Variants in GREM2 observed in about 807,000 individuals in gnomAD.
The protein encoded by GREM2 is gremlin 2, DAN family BMP antagonist.
GREM2 carries 11 observed loss-of-function variants against 14.2 expected under a neutral mutation model. The observed-to-expected ratio is 0.78, with a 90% CI of 0.49 to 1.28. The LOEUF (loss-of-function observed/expected upper bound fraction) is 1.28, where lower values mean the gene tolerates loss of function less well. Among genes scored for constraint, GREM2 ranks in the 50% most tolerant of loss-of-function variants. GREM2 has a pLI of 0.00. For missense variants in GREM2, 210 were observed against 218.5 expected, an observed-to-expected ratio of 0.96 and a Z score of 0.24; for synonymous variants, 98 against 97.6, an observed-to-expected ratio of 1.00 and a Z score of -0.02.
chr1:240,543,882 T>C lies in GREM2; in HGVS notation c.-1-50406A>G, dbSNP rs1000900902. On this transcript the variant is annotated intron_variant, in intron 1 of 1. Coordinates refer to ENST00000318160, the MANE Select transcript of GREM2 (RefSeq NM_022469.4). This position sits in a 1 kb window ranked among gnomAD's most constrained non-coding sequence, Gnocchi z 6.4. The stretch of plus-strand genomic sequence containing the variant: ...TATAATTTTAAAAGTATATTATTTG[T>C]TTTTCAATGGGAACAAGCACAGAAC... Among the ~76,000 whole-genome samples the C allele has an allele frequency of 6.6e-5, 10 of 152,268 alleles. No individual in the cohort carries two copies. The highest frequency in any genetic ancestry group is 2.2e-4 in the African/African-American group (9 of 41,552).
chr1:240,599,211 T>C (rs1010777845), intron 1 of GREM2, among the ~76,000 whole-genome samples: 1 of 149,050 alleles, frequency 6.7e-6, no homozygotes, highest in Non-Finnish European at 1.5e-5. Context: ...GAGGTTCCAG[T>C]GAGCCAAGAT....
Position 240,492,515 on chromosome 1 carries a change from G to GCA in GREM2, c.*452_*453dup, listed in dbSNP as rs1490296593. ...CTCCCAGCCAGAGGTCCAGGGACCAGCAGGAGAGGTCTGAGGGGCCGCTCA... is the reference window on the plus strand; with the variant it reads ...CTCCCAGCCAGAGGTCCAGGGACCAGCACAGGAGAGGTCTGAGGGGCCGCTCA... On this transcript the variant is annotated 3_prime_UTR_variant, in exon 2 of 2. Transcript: ENST00000318160. 5 of 182,116 alleles carry GCA rather than the reference G, an allele frequency of 2.7e-5. No homozygotes were observed. Among genetic ancestry groups the GCA allele is most frequent in the African/African-American group, 1.2e-4 (5 of 43,284 alleles). The allele number at this position is 182,116 out of a possible 1,614,324, so 11.3% of individuals were successfully genotyped here.
chr1:240,589,168 G>T (rs1679656458), intron 1 of GREM2: 1 of 152,336 alleles, frequency 6.6e-6, no homozygotes, highest in Non-Finnish European at 1.5e-5. Context: ...GAGCATGGTG[G>T]CTCACGCCTG....
chr1:240,530,030 C>G lies in GREM2; in HGVS notation c.-1-36554G>C, dbSNP rs76153128. Among the ~76,000 whole-genome samples, 1,248 of 152,216 alleles carry G rather than the reference C, an allele frequency of 8.2e-3. 17 individuals carry two copies. Among genetic ancestry groups the G allele is most frequent in the African/African-American group, 0.027 (1,141 of 41,522 alleles). ...AGTCAGAAGACTAGGGTTCTAGTCT[C>G]AGATACTCATTGACCATTTGACAAC... On this transcript the variant is annotated intron_variant, in intron 1 of 1. Transcript: ENST00000318160.
chr1:240,538,829 C>T (rs1048434898), intron 1 of GREM2, among the ~76,000 whole-genome samples: 2 of 152,164 alleles, frequency 1.3e-5, no homozygotes, highest in Non-Finnish European at 1.5e-5. Context: ...TGAAATACTA[C>T]GTGTGGGTGT....
At chr1:240,549,013 G>A (rs1678791937) in intron 1 of GREM2, among the ~76,000 whole-genome samples, 1 of 152,108 alleles carries the variant, frequency 6.6e-6, no homozygotes, top group Admixed American at 6.5e-5. Flanking sequence ...TCCAGTCAAG[G>A]AAGCACCCAA....
At chr1:240,514,412 G>T (rs1465350994) in intron 1 of GREM2, among the ~76,000 whole-genome samples, 1 of 152,118 alleles carries the variant, frequency 6.6e-6, no homozygotes, top group Non-Finnish European at 1.5e-5. Context: ...AGTTTGAGAT[G>T]TCTATTAGAT....
At chr1:240,589,649 A>G (rs1297102613) in intron 1 of GREM2, among the ~76,000 whole-genome samples, 1 of 152,002 alleles carries the variant, frequency 6.6e-6, no homozygotes. Flanking sequence ...ATTGTTCATG[A>G]TCCCGTAGGA....
At chr1:240,569,839 A>T (rs1004550987) in intron 1 of GREM2, among the ~76,000 whole-genome samples, 2 of 152,264 alleles carry the variant, frequency 1.3e-5, no homozygotes, top group Non-Finnish European at 2.9e-5. Flanking sequence ...AAATTGATAA[A>T]TTAGACTTCA....
intron 1 of GREM2, among the ~76,000 whole-genome samples, chr1:240,609,737 C>T (rs1680097137): frequency 6.6e-6 from 1 of 152,206 alleles, no homozygotes; most frequent in South Asian, 2.1e-4. Flanking sequence ...TGTGCCTCTG[C>T]AGTCTCTCAG....
intron 1 of GREM2, among the ~76,000 whole-genome samples, chr1:240,590,224 T>A (rs74487757): frequency 0.096 from 14,591 of 152,230 alleles, 927 homozygotes; most frequent in Non-Finnish European, 0.14. Context: ...TAATGTAGAA[T>A]AACATTCACA....
At chr1:240,551,194 G>A (rs1678842452) in intron 1 of GREM2, among the ~76,000 whole-genome samples, 1 of 152,144 alleles carries the variant, frequency 6.6e-6, no homozygotes, top group African/African-American at 2.4e-5. Flanking sequence ...CTCCATGAGG[G>A]TTCAAAGTAA....
At chr1:240,531,484 C>T (rs1678355640) in intron 1 of GREM2, among the ~76,000 whole-genome samples, 1 of 152,182 alleles carries the variant, frequency 6.6e-6, no homozygotes, top group Non-Finnish European at 1.5e-5. Flanking sequence ...CAATTTTAAT[C>T]AGATTTGTAT....
intron 1 of GREM2, among the ~76,000 whole-genome samples, chr1:240,607,820 G>A (rs747739862): frequency 5.9e-5 from 9 of 152,156 alleles, no homozygotes; most frequent in Non-Finnish European, 1.2e-4. Context: ...ATTTAATGAT[G>A]GGCTAGTGCT....
chr1:240,604,661 T>C (rs985543372), intron 1 of GREM2, among the ~76,000 whole-genome samples: 6 of 152,162 alleles, frequency 3.9e-5, no homozygotes, highest in African/African-American at 1.4e-4. Flanking sequence ...TCAATTCTTA[T>C]AGAACACCAA....
chr1:240,518,642 T>G (rs1678006587), intron 1 of GREM2, among the ~76,000 whole-genome samples: 1 of 152,228 alleles, frequency 6.6e-6, no homozygotes, highest in Non-Finnish European at 1.5e-5. Flanking sequence ...TAATTCTATT[T>G]GAAAATCATG....
chr1:240,507,672 G>A (rs78370038), intron 1 of GREM2, among the ~76,000 whole-genome samples: 57 of 151,924 alleles, frequency 3.8e-4, no homozygotes, highest in African/African-American at 1.4e-3. Flanking sequence ...AATCTACAAA[G>A]GAAGACAAGG....
At chr1:240,600,269 G>T (rs112199078) in intron 1 of GREM2, among the ~76,000 whole-genome samples, 35 of 152,150 alleles carry the variant, frequency 2.3e-4, no homozygotes, top group Non-Finnish European at 3.4e-4. Context: ...GATTTGGAAG[G>T]CATCAAACAT....
At chr1:240,570,679 T>C (rs1433049859) in intron 1 of GREM2, among the ~76,000 whole-genome samples, 1 of 152,204 alleles carries the variant, frequency 6.6e-6, no homozygotes, top group African/African-American at 2.4e-5. Context: ...AGAAGGGAAC[T>C]CATTTGGTAC....
Sources: allele counts gnomAD v4.1 joint callset (sites outside exome capture counted in the v4.1 genomes callset), GRCh38; gene constraint gnomAD v4.1.1; non-coding constraint Gnocchi (gnomAD v3.1); transcripts MANE v1.5; gene names NCBI Gene and HGNC (gene_info 2026-07-23, HGNC 2026-07-21).